The following ADAMTS12 variants were observed in gnomAD, a reference collection of about 807,000 sequenced individuals.
The protein encoded by ADAMTS12 is A disintegrin and metalloproteinase with thrombospondin motifs 12.
A neutral mutation model predicts 167.8 loss-of-function variants in ADAMTS12; 118 were observed. The ratio of observed to expected loss-of-function variants is 0.70; its 90% CI spans 0.61 to 0.82. The LOEUF (loss-of-function observed/expected upper bound fraction) is 0.82, where lower values mean the gene tolerates loss of function less well. Among genes scored for constraint, ADAMTS12 ranks in the 40% least tolerant of loss-of-function variants. ADAMTS12 has a pLI of 0.00. For synonymous variants in ADAMTS12, 704 were observed against 716.9 expected (o/e 0.98, Z 0.29); for missense variants, 1,916 against 1,998.8 (o/e 0.96, Z 0.79).
intron 2 of ADAMTS12, among the ~76,000 whole-genome samples, chr5:33,861,282 C>A (rs1653778772): frequency 6.6e-6 from 1 of 152,014 alleles, no homozygotes; most frequent in Admixed American, 6.6e-5. Context: ...ATTCAGAAGA[C>A]CAATCTCACA....
intron 20 of ADAMTS12, among the ~76,000 whole-genome samples, chr5:33,560,242 G>A (rs1213074956): frequency 6.6e-6 from 1 of 152,086 alleles, no homozygotes; most frequent in Non-Finnish European, 1.5e-5. Context: ...TTGGCCTATG[G>A]TAATGCCCAT....
intron 2 of ADAMTS12, among the ~76,000 whole-genome samples, chr5:33,764,622 C>A (rs536969927): frequency 6.6e-6 from 1 of 152,082 alleles, no homozygotes; most frequent in Non-Finnish European, 1.5e-5. Context: ...TTAAATTCGT[C>A]GGGGAAGAGA....
Position 33,595,950 on chromosome 5 carries a change from T to G in ADAMTS12, c.2638A>C (p.Lys880Gln). Reference protein sequence around the residue: ...PNGRQKKCHEKACPPRWWAGE... With the variant: ...PNGRQKKCHEQACPPRWWAGE... Reference sequence around the variant, plus strand: ...GATGGTTACCTGGGTGGACAAGCCTTTTCATGGCACTTCTTCTGTCTCCCA... The same window carrying G: ...GATGGTTACCTGGGTGGACAAGCCTGTTCATGGCACTTCTTCTGTCTCCCA... The change falls in exon 17 of 24, where the codon AAG (lysine) becomes CAG (glutamine). Residue 880 changes from lysine (K) to glutamine (Q), a missense_variant. Coordinates refer to ENST00000504830, the MANE Select transcript of ADAMTS12 (RefSeq NM_030955.4). The G allele has an allele frequency of 6.2e-7, 1 of 1,614,120 alleles. No homozygotes were observed. The highest frequency in any genetic ancestry group is 8.5e-7 in the Non-Finnish European group (1 of 1,179,968).
At chr5:33,818,696 C>T (rs1466567329) in intron 2 of ADAMTS12, among the ~76,000 whole-genome samples, 2 of 152,074 alleles carry the variant, frequency 1.3e-5, no homozygotes, top group African/African-American at 4.8e-5. Context: ...ATCTACATTT[C>T]CACCAATGGT....
At chr5:33,546,724 C>T (rs1047766519) in intron 21 of ADAMTS12, among the ~76,000 whole-genome samples, 2 of 152,190 alleles carry the variant, frequency 1.3e-5, no homozygotes, top group African/African-American at 2.4e-5. Flanking sequence ...AGTCAGATTT[C>T]TAAAAGGGTA....
At chr5:33,775,400 T>C (rs542424028) in intron 2 of ADAMTS12, among the ~76,000 whole-genome samples, 3 of 152,172 alleles carry the variant, frequency 2.0e-5, no homozygotes, top group Non-Finnish European at 4.4e-5. Flanking sequence ...TTCACTATTT[T>C]GCTCACAGCC....
At chr5:33,559,023 C>A (rs577660758) in intron 20 of ADAMTS12, among the ~76,000 whole-genome samples, 1 of 152,276 alleles carries the variant, frequency 6.6e-6, no homozygotes, top group East Asian at 1.9e-4. Flanking sequence ...GTCCGAAAGA[C>A]CGACCATCAG....
intron 6 of ADAMTS12, among the ~76,000 whole-genome samples, chr5:33,660,308 T>TA (rs1216404719): frequency 6.6e-6 from 1 of 152,222 alleles, no homozygotes; most frequent in African/African-American, 2.4e-5. Flanking sequence ...GTCCCAATTG[T>TA]ACCCGTTAAC....
chr5:33,848,980 A>AAT (rs1386436234), intron 2 of ADAMTS12, among the ~76,000 whole-genome samples: 1 of 149,616 alleles, frequency 6.7e-6, no homozygotes, highest in East Asian at 2.0e-4. Flanking sequence ...ATTGCATAGC[A>AAT]ATATATATAT....
At chr5:33,615,750 C>T in intron 15 of ADAMTS12, 78 bp downstream of exon 15, 3 of 1,569,242 alleles carry the variant, frequency 1.9e-6, no homozygotes, top group Non-Finnish European at 2.6e-6. Context: ...TTAATGTCCC[C>T]TAGCAAGTAC....
rs551624864 is a variant in ADAMTS12, at chr5:33,640,170, A to C, written c.1718+1640T>G. 2.0e-5 allele frequency among the ~76,000 whole-genome samples: 3 copies of C among 152,330 alleles called. No individual in the cohort carries two copies. In the South Asian group the frequency reaches 6.2e-4, roughly 32 times the overall value. On this transcript the variant is annotated intron_variant, in intron 11 of 23. Coordinates refer to ENST00000504830, the MANE Select transcript of ADAMTS12 (RefSeq NM_030955.4). The stretch of plus-strand genomic sequence containing the variant: ...TGCACTGGCCTGAATCTGTGACTTG[A>C]ACCACAGATCCAAATCTATGATGCG...
At chr5:33,707,184 A>C (rs1194108560) in intron 3 of ADAMTS12, among the ~76,000 whole-genome samples, 1 of 152,200 alleles carries the variant, frequency 6.6e-6, no homozygotes, top group Non-Finnish European at 1.5e-5. Context: ...CCAAATCATG[A>C]GTGAACCCTC....
chr5:33,563,984 G>T (rs1745876993), intron 19 of ADAMTS12, among the ~76,000 whole-genome samples: 1 of 152,224 alleles, frequency 6.6e-6, no homozygotes, highest in Admixed American at 6.5e-5. Flanking sequence ...CAGAAAGTCT[G>T]GCTTCAAGGT....
At chr5:33,615,675 C>T (rs1405570257) in intron 15 of ADAMTS12, among the ~76,000 whole-genome samples, 153 bp downstream of exon 15, 2 of 152,190 alleles carry the variant, frequency 1.3e-5, no homozygotes, top group East Asian at 1.9e-4. Context: ...AAAGGATTAA[C>T]AGCACAAACT....
intron 19 of ADAMTS12, among the ~76,000 whole-genome samples, chr5:33,570,447 T>C (rs1263230444): frequency 6.6e-6 from 1 of 152,174 alleles, no homozygotes; most frequent in Non-Finnish European, 1.5e-5. Context: ...ATATTCAACA[T>C]TCTTAAAGAA....
chr5:33,549,803 A>G (rs1745166190), intron 20 of ADAMTS12, among the ~76,000 whole-genome samples: 1 of 152,240 alleles, frequency 6.6e-6, no homozygotes, highest in African/African-American at 2.4e-5. Context: ...TGGCCTGCCT[A>G]TCCCTTCCCA....
intron 19 of ADAMTS12, among the ~76,000 whole-genome samples, chr5:33,563,875 T>C (rs1501727): frequency 0.23 from 35,129 of 152,100 alleles, 4,455 homozygotes; most frequent in East Asian, 0.46. Flanking sequence ...TCCTAAGTCA[T>C]ATAAGTTGGG....
At chr5:33,740,797 A>T (rs1333554302) in intron 3 of ADAMTS12, among the ~76,000 whole-genome samples, 1 of 152,162 alleles carries the variant, frequency 6.6e-6, no homozygotes, top group Non-Finnish European at 1.5e-5. Flanking sequence ...AGGTGGGGCC[A>T]GGGAACCAAG....
chr5:33,832,189 G>A (rs989867973), intron 2 of ADAMTS12, among the ~76,000 whole-genome samples: 2 of 152,208 alleles, frequency 1.3e-5, no homozygotes, highest in Non-Finnish European at 2.9e-5. Context: ...GATTGTATGG[G>A]AGGATATATA....
Sources: allele counts gnomAD v4.1 joint callset (sites outside exome capture counted in the v4.1 genomes callset), GRCh38; gene constraint gnomAD v4.1.1; transcripts MANE v1.5; gene names NCBI Gene and HGNC (gene_info 2026-07-23, HGNC 2026-07-21).